Variants in SYT14 observed in about 807,000 individuals in gnomAD.
SYT14 encodes the protein synaptotagmin-14.
SYT14 carries 32 observed loss-of-function variants against 74.2 expected under a neutral mutation model. That is an observed-to-expected ratio of 0.43 (90% CI 0.33 to 0.58). SYT14 has a LOEUF of 0.58. SYT14 is among the 20% of genes least tolerant of loss of function. The pLI, the probability that SYT14 is intolerant of heterozygous loss-of-function variation, is 0.05. For missense variants in SYT14, 791 were observed against 981.8 expected, an observed-to-expected ratio of 0.81 and a Z score of 2.60; for synonymous variants, 298 against 337.7, an observed-to-expected ratio of 0.88 and a Z score of 1.29.
chr1:209,952,996 G>T, intron 2 of SYT14: 1 of 1,412,004 alleles, frequency 7.1e-7, no homozygotes, highest in Non-Finnish European at 9.5e-7. Flanking sequence ...CTAGCATATT[G>T]GTTGTTAGAC....
At chr1:210,136,848 A>C (rs2082796476) in intron 7 of SYT14, among the ~76,000 whole-genome samples, 1 of 152,176 alleles carries the variant, frequency 6.6e-6, no homozygotes, top group Non-Finnish European at 1.5e-5. Context: ...AGACTGTTAG[A>C]AGGATCATTC....
At chr1:209,938,368 G>C (rs1353550617) in intron 1 of SYT14, 91 bp downstream of exon 1, 1 of 1,371,318 alleles carries the variant, frequency 7.3e-7, no homozygotes, top group African/African-American at 1.5e-5. Context: ...GGCGCTGACG[G>C]GGCCGCCTCC....
intron 2 of SYT14, 106 bp downstream of exon 2, chr1:209,952,862 T>G: frequency 8.4e-7 from 1 of 1,195,108 alleles, no homozygotes; most frequent in Non-Finnish European, 1.2e-6. Context: ...GAAGTGTAAA[T>G]TTTAGTAAAT....
intron 1 of SYT14, among the ~76,000 whole-genome samples, chr1:209,943,508 C>CAAAAAAA (rs58806792): frequency 2.5e-4 from 15 of 59,330 alleles, no homozygotes; most frequent in Admixed American, 2.9e-4. Flanking sequence ...GATTCAATCT[C>CAAAAAAA]AAAAAAAAAA....
intron 5 of SYT14, among the ~76,000 whole-genome samples, chr1:210,037,504 T>C (rs2080691448): frequency 1.3e-5 from 2 of 149,658 alleles, no homozygotes; most frequent in East Asian, 3.9e-4. Flanking sequence ...AGTGCAACAT[T>C]AGGTTGGTGA....
At chr1:210,120,398 C>T (rs548371041) in intron 7 of SYT14, among the ~76,000 whole-genome samples, 1 of 149,150 alleles carries the variant, frequency 6.7e-6, no homozygotes, top group South Asian at 2.1e-4. Context: ...TAGGGTCACT[C>T]TGTTAGGCTG....
chr1:210,058,512 A>G (rs2102403243), intron 5 of SYT14, among the ~76,000 whole-genome samples: 1 of 152,290 alleles, frequency 6.6e-6, no homozygotes, highest in Middle Eastern at 3.4e-3. Flanking sequence ...GGAATTTGTT[A>G]CCTAATTAGG....
chr1:210,101,215 T>G (rs1483839221), intron 7 of SYT14, among the ~76,000 whole-genome samples: 1 of 152,202 alleles, frequency 6.6e-6, no homozygotes, highest in Non-Finnish European at 1.5e-5. Context: ...TTATTTAGAT[T>G]ATGAAAAAAT....
intron 5 of SYT14, among the ~76,000 whole-genome samples, chr1:210,080,178 C>T (rs1319821699): frequency 1.3e-5 from 2 of 152,078 alleles, no homozygotes; most frequent in Non-Finnish European, 2.9e-5. Context: ...GAAATATCTA[C>T]TCTGTATATT....
intron 2 of SYT14, among the ~76,000 whole-genome samples, chr1:209,994,375 C>G (rs2102854497): frequency 6.6e-6 from 1 of 152,096 alleles, no homozygotes; most frequent in South Asian, 2.1e-4. Flanking sequence ...CAGAATAGAA[C>G]AAACTGAGGA....
intron 1 of SYT14, among the ~76,000 whole-genome samples, chr1:209,939,782 C>T (rs536336670): frequency 6.6e-6 from 1 of 152,338 alleles, no homozygotes; most frequent in Admixed American, 6.5e-5. Flanking sequence ...TTAGGCAGAG[C>T]ATGAGGAAAA....
At chr1:210,130,206 A>G (rs746333853) in intron 7 of SYT14, among the ~76,000 whole-genome samples, 10 of 152,244 alleles carry the variant, frequency 6.6e-5, no homozygotes, top group African/African-American at 2.4e-4. Context: ...TAACCATTTC[A>G]TTGCCCTTGG....
intron 2 of SYT14, among the ~76,000 whole-genome samples, chr1:209,986,940 A>G (rs1343787188): frequency 6.6e-6 from 1 of 152,144 alleles, no homozygotes; most frequent in Admixed American, 6.5e-5. Context: ...TTTCATTTTC[A>G]AACTTACACA....
At chr1:209,977,152 G>T (rs992263194) in intron 2 of SYT14, among the ~76,000 whole-genome samples, 3 of 152,116 alleles carry the variant, frequency 2.0e-5, no homozygotes, top group African/African-American at 7.2e-5. Flanking sequence ...GGTCTTGACT[G>T]TTTGTCCAAT....
chr1:209,945,135 A>G (rs913627323), intron 1 of SYT14, among the ~76,000 whole-genome samples: 18 of 152,150 alleles, frequency 1.2e-4, no homozygotes, highest in African/African-American at 4.1e-4. Flanking sequence ...CCCCCACTCC[A>G]GCAGCTACTC....
At chr1:210,013,330 A>T (rs2102920696) in intron 2 of SYT14, among the ~76,000 whole-genome samples, 1 of 151,810 alleles carries the variant, frequency 6.6e-6, no homozygotes, top group South Asian at 2.1e-4. Flanking sequence ...TTGGCCTCCC[A>T]CAGTGCTGGG....
At chr1:209,981,717 A>T (rs1483010807) in intron 2 of SYT14, among the ~76,000 whole-genome samples, 1 of 151,938 alleles carries the variant, frequency 6.6e-6, no homozygotes, top group African/African-American at 2.4e-5. Flanking sequence ...CAGCCTCTCA[A>T]AGTGTTGGGA....
At chr1:209,961,928 G>A (rs780911569) in intron 2 of SYT14, among the ~76,000 whole-genome samples, 6 of 152,068 alleles carry the variant, frequency 3.9e-5, no homozygotes, top group African/African-American at 1.2e-4. Flanking sequence ...TCTGAACAAC[G>A]AAGTGGCTCC....
At chr1:209,970,078 A>G (rs1055884787) in intron 2 of SYT14, among the ~76,000 whole-genome samples, 9 of 151,976 alleles carry the variant, frequency 5.9e-5, no homozygotes, top group Admixed American at 5.2e-4. Context: ...ATGTAGTCCC[A>G]TTTGTCTATT....
Sources: gnomAD v4.1 joint callset for allele counts (sites outside exome capture counted in the v4.1 genomes callset) on GRCh38, gnomAD v4.1.1 for gene constraint, MANE v1.5 for transcripts, NCBI Gene and HGNC (gene_info 2026-07-23, HGNC 2026-07-21) for gene names.